The following ANO3 variants were observed in gnomAD, a reference collection of about 807,000 sequenced individuals.
ANO3 encodes the protein anoctamin-3.
In ANO3, 99 loss-of-function variants were observed where a neutral mutation model predicts 144.8. The ratio of observed to expected loss-of-function variants is 0.68; its 90% CI spans 0.58 to 0.81. The LOEUF is 0.81. ANO3 is among the 30% of genes least tolerant of loss of function. The pLI is 0.00. For synonymous variants in ANO3, 414 were observed against 392.6 expected (o/e 1.05, Z -0.64); for missense variants, 905 against 1,202.2 (o/e 0.75, Z 3.66).
chr11:26,487,936 G>C (rs1860528262), intron 4 of ANO3, among the ~76,000 whole-genome samples: 1 of 152,170 alleles, frequency 6.6e-6, no homozygotes, highest in South Asian at 2.1e-4. Context: ...GGGAGGCCGA[G>C]GTGGGCAGAT....
chr11:26,278,605 T>C (rs912133933), intron 1 of ANO3, among the ~76,000 whole-genome samples: 1 of 152,056 alleles, frequency 6.6e-6, no homozygotes, highest in Non-Finnish European at 1.5e-5. Context: ...CATGACCAAT[T>C]TGAACCTCAG....
intron 4 of ANO3, among the ~76,000 whole-genome samples, chr11:26,505,840 G>A (rs1178758609): frequency 6.6e-6 from 1 of 150,946 alleles, no homozygotes; most frequent in Non-Finnish European, 1.5e-5. Context: ...AATAGTAGCT[G>A]GGCGTGGTGG....
intron 1 of ANO3, among the ~76,000 whole-genome samples, chr11:26,322,799 G>T (rs984583556): frequency 2.0e-5 from 3 of 152,022 alleles, no homozygotes; most frequent in African/African-American, 7.2e-5. Context: ...GTACTCATAA[G>T]AGGGAAGTCA....
chr11:26,389,623 AT>A (rs1856824929), intron 1 of ANO3, among the ~76,000 whole-genome samples: 1 of 152,060 alleles, frequency 6.6e-6, no homozygotes, highest in Non-Finnish European at 1.5e-5. Flanking sequence ...TTTGAAAAGA[AT>A]TTTTTGATTC....
intron 1 of ANO3, among the ~76,000 whole-genome samples, chr11:26,288,845 C>T (rs72874994): frequency 0.042 from 6,426 of 152,058 alleles, 188 homozygotes; most frequent in Non-Finnish European, 0.063. Context: ...ACCTATTTGC[C>T]TGCAAATGTC....
At chr11:26,351,207 A>G (rs530106650) in intron 1 of ANO3, among the ~76,000 whole-genome samples, 25 of 152,164 alleles carry the variant, frequency 1.6e-4, no homozygotes, top group African/African-American at 6.0e-4. Flanking sequence ...GGTCTTCTAT[A>G]TCAATAATTC....
intron 14 of ANO3, chr11:26,571,934 C>T: frequency 2.9e-6 from 1 of 348,002 alleles, no homozygotes; most frequent in Non-Finnish European, 4.0e-6. Context: ...GCTGTTCTGT[C>T]AAAGTTGAGA....
intron 7 of ANO3, 52 bp from the exon 8 acceptor site, chr11:26,531,153 C>CA (rs1230329364): frequency 1.6e-5 from 26 of 1,599,372 alleles, no homozygotes; most frequent in Non-Finnish European, 2.0e-5. Flanking sequence ...GGAAGGTAGT[C>CA]ATGGCTTTGG....
chr11:26,456,691 G>C (rs1215615568), intron 3 of ANO3, among the ~76,000 whole-genome samples: 1 of 107,434 alleles, frequency 9.3e-6, no homozygotes, highest in Non-Finnish European at 1.9e-5. Context: ...TCTAGAACTA[G>C]AAATACCATT....
At chr11:26,415,631 T>A (rs1055879421) in intron 1 of ANO3, among the ~76,000 whole-genome samples, 6 of 152,212 alleles carry the variant, frequency 3.9e-5, no homozygotes, top group Non-Finnish European at 5.9e-5. Context: ...TTTTCCTTTT[T>A]AAAGAATAGG....
chr11:26,215,325 T>C (rs577200456), intron 1 of ANO3, among the ~76,000 whole-genome samples: 1 of 152,146 alleles, frequency 6.6e-6, no homozygotes, highest in East Asian at 1.9e-4. Flanking sequence ...CAAAGTATAC[T>C]TATTTTATAC....
intron 11 of ANO3, among the ~76,000 whole-genome samples, chr11:26,545,162 C>T (rs1352523847): frequency 6.6e-6 from 1 of 152,006 alleles, no homozygotes; most frequent in Admixed American, 6.6e-5. Flanking sequence ...AAACCACACA[C>T]TTTTCAGGAC....
intron 17 of ANO3, among the ~76,000 whole-genome samples, chr11:26,600,261 C>A (rs1220615046): frequency 8.9e-6 from 1 of 112,902 alleles, no homozygotes; most frequent in Non-Finnish European, 2.0e-5. Context: ...CTCCTCTCCT[C>A]TCCTCTCCTC....
At chr11:26,240,330 C>T (rs944561491) in intron 1 of ANO3, among the ~76,000 whole-genome samples, 3 of 152,080 alleles carry the variant, frequency 2.0e-5, no homozygotes, top group Non-Finnish European at 4.4e-5. Flanking sequence ...CATAAAATTG[C>T]AATTAAAGTA....
intron 1 of ANO3, among the ~76,000 whole-genome samples, chr11:26,267,687 T>C (rs1853345269): frequency 6.6e-6 from 1 of 152,200 alleles, no homozygotes. Flanking sequence ...AATTCAGCAT[T>C]AGCTAAGTTA....
chr11:26,448,777 A>G (rs771608196), intron 3 of ANO3, among the ~76,000 whole-genome samples: 32 of 152,174 alleles, frequency 2.1e-4, no homozygotes, highest in Non-Finnish European at 3.7e-4. Context: ...TCAATTGTTT[A>G]TTGAACACAT....
intron 4 of ANO3, among the ~76,000 whole-genome samples, chr11:26,471,230 C>T (rs1038493708): frequency 6.6e-6 from 1 of 151,884 alleles, no homozygotes; most frequent in African/African-American, 2.4e-5. Flanking sequence ...CTCGGCTTTT[C>T]TGTGTCCAGT....
rs1463437940 is a variant in ANO3, at chr11:26,463,063, C to T, written c.347C>T (p.Ser116Leu). The stretch of plus-strand genomic sequence containing the variant: ...AAAGATAAGGATTACACGGATGAAT[C>T]AGAACACGCTACTTATGACCGATCT... ...LGKDKDYTDE[S>L]EHATYDRSRL... Residue 116 changes from serine to leucine, a missense_variant, in exon 4 of 27, where the codon TCA becomes TTA. Transcript: ENST00000256737. The T allele has an allele frequency of 6.3e-7, 1 of 1,593,512 alleles. No homozygotes were observed. Among genetic ancestry groups the T allele is most frequent in the Non-Finnish European group, 8.6e-7 (1 of 1,169,496 alleles).
At chr11:26,478,341 G>T (rs1860066675) in intron 4 of ANO3, among the ~76,000 whole-genome samples, 1 of 152,082 alleles carries the variant, frequency 6.6e-6, no homozygotes, top group Non-Finnish European at 1.5e-5. Flanking sequence ...CTCTAACCTA[G>T]AATAGCCTTT....
Sources: gnomAD v4.1 joint callset for allele counts (sites outside exome capture counted in the v4.1 genomes callset) on GRCh38, gnomAD v4.1.1 for gene constraint, MANE v1.5 for transcripts, NCBI Gene and HGNC (gene_info 2026-07-23, HGNC 2026-07-21) for gene names.